The following CDC42EP2 variants were observed in gnomAD, a reference collection of about 807,000 sequenced individuals.
CDC42EP2 encodes the protein CDC42 effector protein 2.
A neutral mutation model predicts 7.3 loss-of-function variants in CDC42EP2; 5 were observed. The observed-to-expected ratio is 0.68, with a 90% confidence interval of 0.36 to 1.44. The LOEUF (loss-of-function observed/expected upper bound fraction) is 1.44. CDC42EP2 is among the 40% of genes most tolerant of loss of function. The pLI is 0.04. For synonymous variants in CDC42EP2, 113 were observed against 123.6 expected, an observed-to-expected ratio of 0.91 and a Z score of 0.57; for missense variants, 251 against 282.6, an observed-to-expected ratio of 0.89 and a Z score of 0.80.
chr11:65,319,891 G>T (rs1023639873), intron 1 of CDC42EP2, among the ~76,000 whole-genome samples: 5 of 152,226 alleles, frequency 3.3e-5, no homozygotes, highest in African/African-American at 1.2e-4. Flanking sequence ...GTGCAATGGA[G>T]GTGGGGGGTA....
chr11:65,321,562 G>T lies in CDC42EP2; in HGVS notation c.*31G>T, dbSNP rs375819245. ...GAGGCTGCCTAGGCTGGGGTCCCAG[G>T]TGGGGCCCAGCCAGGAGGTGGGGTG... On this transcript the variant is annotated 3_prime_UTR_variant, in exon 2 of 2. Transcript: ENST00000279249. This position sits in a 1 kb window ranked among gnomAD's most constrained non-coding sequence, Gnocchi z 4.4. 9 of 1,562,086 alleles carry T rather than the reference G, an allele frequency of 5.8e-6. No homozygotes were observed. In the Admixed American group the frequency reaches 7.2e-5, roughly 13 times the overall value.
chr11:65,320,550 A>G lies in CDC42EP2; in HGVS notation c.-349A>G, dbSNP rs1212978466. 1 of 252,796 alleles carries G rather than the reference A, an allele frequency of 4.0e-6. No homozygotes were observed. The highest frequency in any genetic ancestry group is 6.9e-5 in the South Asian group (1 of 14,418). 15.7% of individuals were successfully genotyped at this position (252,796 alleles called of 1,614,324 possible). A position where few individuals can be genotyped will look rare whatever the true frequency, so the allele number is the denominator to read the frequency against. On this transcript the variant is annotated 5_prime_UTR_variant, in exon 2 of 2. Transcript: ENST00000279249. The stretch of plus-strand genomic sequence containing the variant: ...TGCACCCTTTGTGTTTCAGCTCCTC[A>G]GCCCTGGACCGGGGACAAGTAACCC...
At position 65,320,554 on chromosome 11, in the gene CDC42EP2, C is replaced by G. The variant is rs908247566; in HGVS notation, c.-345C>G. The G allele has an allele frequency of 7.2e-6, 2 of 275,992 alleles. No homozygotes were observed. Among genetic ancestry groups the G allele is most frequent in the African/African-American group, 4.3e-5 (2 of 46,442 alleles). 17.1% of individuals were successfully genotyped at this position (275,992 alleles called of 1,614,324 possible). ...CCCTTTGTGTTTCAGCTCCTCAGCCCTGGACCGGGGACAAGTAACCCTCGG... is the reference window on the plus strand; with the variant it reads ...CCCTTTGTGTTTCAGCTCCTCAGCCGTGGACCGGGGACAAGTAACCCTCGG... On this transcript the variant is annotated 5_prime_UTR_variant, in exon 2 of 2. Transcript: ENST00000279249.
rs748958271 is a variant in CDC42EP2, at chr11:65,321,353, G to T, written c.455G>T (p.Arg152Met). ...PQEGGSVDIW[R>M]IPETGSPNSG... ...GAGGGAGGGAGTGTGGACATCTGGA[G>T]GATTCCAGAGACTGGCTCCCCCAAC... is the stretch of plus-strand genomic sequence containing the variant. Residue 152 changes from arginine (R) to methionine (M), a missense_variant, in exon 2 of 2, where the codon AGG becomes ATG. Coordinates refer to ENST00000279249, the MANE Select transcript of CDC42EP2 (RefSeq NM_006779.4). This position sits in a 1 kb window ranked among gnomAD's most constrained non-coding sequence, Gnocchi z 4.4. The T allele has an allele frequency of 3.7e-6, 6 of 1,613,808 alleles. No individual in the cohort carries two copies. In the East Asian group the frequency reaches 1.3e-4, roughly 36 times the overall value.
Position 65,321,692 on chromosome 11 carries a change from C to T in CDC42EP2, c.*161C>T. 2.9e-6 allele frequency: 2 copies of T among 686,006 alleles called. No individual in the cohort carries two copies. The highest frequency in any genetic ancestry group is 5.0e-6 in the Non-Finnish European group (2 of 401,054). The allele number at this position is 686,006 out of a possible 1,614,324, so 42.5% of individuals were successfully genotyped here. A position where few individuals can be genotyped will look rare whatever the true frequency, so the allele number is the denominator to read the frequency against. ...CGTGTTTCCCCTCTCCCTCCCTCTCCACGTGGGCAGGGCAGGCCCCATCGC... is the reference window on the plus strand; with the variant it reads ...CGTGTTTCCCCTCTCCCTCCCTCTCTACGTGGGCAGGGCAGGCCCCATCGC... On this transcript the variant is annotated 3_prime_UTR_variant, in exon 2 of 2. Transcript: ENST00000279249. The surrounding 1 kb of genome is among the most constrained non-coding windows in gnomAD (Gnocchi z 4.4).
intron 1 of CDC42EP2, among the ~76,000 whole-genome samples, chr11:65,319,280 CA>C (rs771369556): frequency 5.3e-5 from 8 of 152,104 alleles, no homozygotes; most frequent in Non-Finnish European, 7.4e-5. Flanking sequence ...AGGCATGAAC[CA>C]CCACGCCTGG....
At chr11:65,318,188 TG>T (rs1565509901) in intron 1 of CDC42EP2, among the ~76,000 whole-genome samples, 1 of 143,884 alleles carries the variant, frequency 7.0e-6, no homozygotes, top group Non-Finnish European at 1.5e-5. Flanking sequence ...CTCTGCCTCC[TG>T]GGTTCAAGCA....
intron 1 of CDC42EP2, among the ~76,000 whole-genome samples, chr11:65,319,192 G>A (rs965833715): frequency 2.0e-4 from 30 of 149,902 alleles, no homozygotes; most frequent in African/African-American, 6.7e-4. Context: ...GCCGTGGGGC[G>A]ATCTCGGCCC....
Position 65,320,982 on chromosome 11 carries a change from C to T in CDC42EP2, c.84C>T (p.Asp28=). Residue 28 remains aspartate (D), a synonymous_variant, in exon 2 of 2, where the codon GAC becomes GAT. Transcript: ENST00000279249. ...AGCTTCGGGACCTGCTGTCCTCGGA[C>T]ATGATCAGCCCACCGCTGGGGGACT... The part of the protein sequence containing the change: ...KEKLRDLLSS[D]MISPPLGDFR... 1 of 1,614,040 alleles carries T rather than the reference C, an allele frequency of 6.2e-7. No individual in the cohort carries two copies. Among genetic ancestry groups the T allele is most frequent in the South Asian group, 1.1e-5 (1 of 91,092 alleles).
chr11:65,319,895 G>A (rs537827303), intron 1 of CDC42EP2, among the ~76,000 whole-genome samples: 24 of 152,166 alleles, frequency 1.6e-4, no homozygotes, highest in Non-Finnish European at 2.5e-4. Flanking sequence ...AATGGAGGTG[G>A]GGGGTATGGT....
At chr11:65,316,148 A>G (rs997908308) in intron 1 of CDC42EP2, among the ~76,000 whole-genome samples, 4 of 152,192 alleles carry the variant, frequency 2.6e-5, no homozygotes, top group Non-Finnish European at 5.9e-5. Context: ...AGGAAGTCCC[A>G]GGTGGAGCTG....
chr11:65,321,118 G>A lies in CDC42EP2; in HGVS notation c.220G>A (p.Glu74Lys). 1.2e-6 allele frequency: 2 copies of A among 1,614,150 alleles called. No homozygotes were observed. The highest frequency in any genetic ancestry group is 1.7e-6 in the Non-Finnish European group (2 of 1,180,006). The change falls in exon 2 of 2, where the codon GAA becomes AAA. Residue 74 changes from glutamate (E) to lysine (K), a missense_variant. Coordinates refer to ENST00000279249, the MANE Select transcript of CDC42EP2 (RefSeq NM_006779.4). The surrounding 1 kb of genome is among the most constrained non-coding windows in gnomAD (Gnocchi z 4.4). The stretch of plus-strand genomic sequence containing the variant: ...GCCGGGGACCATGGTGGAGGGGCCT[G>A]AAGAAGATGGCACCTTCGACCTCCC... The part of the protein sequence containing the change: ...LLPGTMVEGP[E>K]EDGTFDLPFQ...
chr11:65,321,925 T>G lies in CDC42EP2; in HGVS notation c.*394T>G. ...GGCAGGGGAAGAGACAGGGCACAGC[T>G]GGCCACAGGGCTCAGCCACTGAGCA... On this transcript the variant is annotated 3_prime_UTR_variant, in exon 2 of 2. Transcript: ENST00000279249. This position sits in a 1 kb window ranked among gnomAD's most constrained non-coding sequence, Gnocchi z 4.4. 4.8e-6 allele frequency: 1 copy of G among 207,632 alleles called. No individual in the cohort carries two copies. Among genetic ancestry groups the G allele is most frequent in the Non-Finnish European group, 1.1e-5 (1 of 91,988 alleles). The allele number at this position is 207,632 out of a possible 1,614,324, so 12.9% of individuals were successfully genotyped here.
rs1389750227 is a variant in CDC42EP2 at position 65,322,107 on chromosome 11, C to T, written c.*576C>T. The T allele has an allele frequency of 6.0e-6, 1 of 167,718 alleles. No individual in the cohort carries two copies. The highest frequency in any genetic ancestry group is 1.5e-5 in the Non-Finnish European group (1 of 68,704). The allele number at this position is 167,718 out of a possible 1,614,324, so 10.4% of individuals were successfully genotyped here. Reference sequence around the variant, plus strand: ...TGCTGCTGGTGGCGGAGCTCCCTGTCCCTTTGCCCCAGGTTTCCTCCCGGA... The same window carrying T: ...TGCTGCTGGTGGCGGAGCTCCCTGTTCCTTTGCCCCAGGTTTCCTCCCGGA... On this transcript the variant is annotated 3_prime_UTR_variant, in exon 2 of 2. Coordinates refer to ENST00000279249, the MANE Select transcript of CDC42EP2 (RefSeq NM_006779.4).
At position 65,315,967 on chromosome 11, in the gene CDC42EP2, G is replaced by GATAAAACCTACAGTGACCCGCTGA. The variant is rs1309975130; in HGVS notation, c.-356+1015_-356+1038dup. 1.3e-5 allele frequency among the ~76,000 whole-genome samples: 2 copies of GATAAAACCTACAGTGACCCGCTGA among 152,240 alleles called. No homozygotes were observed. The highest frequency in any genetic ancestry group is 4.8e-5 in the African/African-American group (2 of 41,464). On this transcript the variant is annotated intron_variant, in intron 1 of 1. Coordinates refer to ENST00000279249, the MANE Select transcript of CDC42EP2 (RefSeq NM_006779.4). The surrounding 1 kb of genome is among the most constrained non-coding windows in gnomAD (Gnocchi z 4.1). ...CCTTGTAGATATTTGCTGAATGAAT[G>GATAAAACCTACAGTGACCCGCTGA]ATAAAACCTACAGTGACCCGCTGAA...
intron 1 of CDC42EP2, among the ~76,000 whole-genome samples, chr11:65,318,008 C>T (rs1402223732): frequency 6.6e-6 from 1 of 151,986 alleles, no homozygotes; most frequent in Non-Finnish European, 1.5e-5. Context: ...ACCCCCCATC[C>T]CTGCTGTGTA....
chr11:65,317,231 GCT>G (rs1949951982), intron 1 of CDC42EP2: 1 of 152,284 alleles, frequency 6.6e-6, no homozygotes, highest in African/African-American at 2.4e-5. Context: ...AGCTCCAGGT[GCT>G]CTGGGAGGGG....
rs370322821 is a variant in CDC42EP2, at chr11:65,321,081, G to C, written c.183G>C (p.Lys61Asn). 4 of 1,614,020 alleles carry C rather than the reference G, an allele frequency of 2.5e-6. No individual in the cohort carries two copies. The highest frequency in any genetic ancestry group is 3.4e-6 in the Non-Finnish European group (4 of 1,180,030). The stretch of plus-strand genomic sequence containing the variant: ...GCGACATCTCCTTCCTGCAGGGCAA[G>C]TTCCACCTCCTGCCGGGGACCATGG... Reference protein sequence around the residue: ...MFGDISFLQGKFHLLPGTMVE... With the variant: ...MFGDISFLQGNFHLLPGTMVE... Residue 61 changes from lysine (K) to asparagine (N), a missense_variant, in exon 2 of 2, where the codon AAG (lysine) becomes AAC (asparagine). Physicochemically the swap from Lys to Asn is moderately conservative, Grantham distance 94. Coordinates refer to ENST00000279249, the MANE Select transcript of CDC42EP2 (RefSeq NM_006779.4). This position sits in a 1 kb window ranked among gnomAD's most constrained non-coding sequence, Gnocchi z 4.4.
intron 1 of CDC42EP2, among the ~76,000 whole-genome samples, chr11:65,316,108 A>G (rs1949946822): frequency 6.6e-6 from 1 of 152,110 alleles, no homozygotes; most frequent in Non-Finnish European, 1.5e-5. Flanking sequence ...TGAGACCCAG[A>G]GAGGAGAGGC....
Sources: allele counts gnomAD v4.1 joint callset (sites outside exome capture counted in the v4.1 genomes callset), GRCh38; gene constraint gnomAD v4.1.1; non-coding constraint Gnocchi (gnomAD v3.1); transcripts MANE v1.5; gene names NCBI Gene and HGNC (gene_info 2026-07-23, HGNC 2026-07-21).